The following LUZP2 variants were observed in gnomAD, a reference collection of about 807,000 sequenced individuals.
LUZP2 encodes leucine zipper protein 2.
A neutral mutation model predicts 51.6 loss-of-function variants in LUZP2; 52 were observed. That is an observed-to-expected ratio of 1.01 (90% CI 0.81 to 1.27). The LOEUF is 1.27. LUZP2 is among the 50% of genes most tolerant of loss of function. The pLI, the probability that LUZP2 is intolerant of heterozygous loss-of-function variation, is 0.00. For missense variants in LUZP2, 436 were observed against 395.4 expected (o/e 1.10, Z -0.87); for synonymous variants, 154 against 137.3 (o/e 1.12, Z -0.85).
At chr11:24,922,678 T>C (rs1217958024) in intron 7 of LUZP2, among the ~76,000 whole-genome samples, 1 of 152,104 alleles carries the variant, frequency 6.6e-6, no homozygotes, top group African/African-American at 2.4e-5. Flanking sequence ...TGTAAGCTTG[T>C]CAAATCACAT....
chr11:24,977,028 A>C (rs1399713394), intron 8 of LUZP2, among the ~76,000 whole-genome samples: 11 of 151,916 alleles, frequency 7.2e-5, no homozygotes, highest in Non-Finnish European at 1.3e-4. Flanking sequence ...GGAAGTAATT[A>C]TTGGCATCAA....
chr11:24,536,504 C>T (rs1828295), intron 1 of LUZP2, among the ~76,000 whole-genome samples: 151,215 of 151,924 alleles, frequency 1, 75,255 homozygotes, highest in East Asian at 1. Context: ...TGGAGATGGC[C>T]TCTTTCCTTA....
At chr11:24,810,012 A>G (rs184780369) in intron 5 of LUZP2, among the ~76,000 whole-genome samples, 1 of 152,306 alleles carries the variant, frequency 6.6e-6, no homozygotes, top group Non-Finnish European at 1.5e-5. Context: ...CCACTAAAGG[A>G]CTGAGTAACG....
intron 4 of LUZP2, among the ~76,000 whole-genome samples, chr11:24,747,243 T>A (rs567647904): frequency 1.3e-5 from 2 of 152,314 alleles, no homozygotes; most frequent in South Asian, 4.1e-4. Flanking sequence ...GGGTATTCCC[T>A]TGATGTGGTA....
At chr11:25,031,015 ATT>A (rs34776436) in intron 9 of LUZP2, among the ~76,000 whole-genome samples, 486 of 11,874 alleles carry the variant, frequency 0.041, 61 homozygotes, top group Middle Eastern at 0.17. Context: ...ATATATATAT[ATT>A]TTTTTTTTTT....
At chr11:24,618,405 G>A (rs183903141) in intron 1 of LUZP2, among the ~76,000 whole-genome samples, 56 of 152,220 alleles carry the variant, frequency 3.7e-4, no homozygotes, top group South Asian at 1.2e-3. Context: ...GAGAGTGGAG[G>A]TCAGACTGCC....
intron 1 of LUZP2, among the ~76,000 whole-genome samples, chr11:24,550,822 C>G (rs943768648): frequency 6.6e-6 from 1 of 151,954 alleles, no homozygotes; most frequent in Non-Finnish European, 1.5e-5. Context: ...ACCTGTAATC[C>G]CAGCATTTTG....
Position 25,073,566 on chromosome 11 carries a change from T to G in LUZP2, c.859-3763T>G, listed in dbSNP as rs532238179. ...GCTTATTTCTCTTTTTAATTTTATTTTTTTCTTTCTTTAATTTCCCACCTA... is the reference window on the plus strand; with the variant it reads ...GCTTATTTCTCTTTTTAATTTTATTGTTTTCTTTCTTTAATTTCCCACCTA... On this transcript the variant is annotated intron_variant, in intron 10 of 11. Transcript: ENST00000336930. Among the ~76,000 whole-genome samples the G allele has an allele frequency of 1.3e-3, 192 of 151,626 alleles. 1 individual carries two copies. The highest frequency in any genetic ancestry group is 4.5e-3 in the African/African-American group (186 of 41,388).
intron 1 of LUZP2, among the ~76,000 whole-genome samples, chr11:24,702,634 C>T (rs1857451259): frequency 6.6e-6 from 1 of 152,138 alleles, no homozygotes; most frequent in South Asian, 2.1e-4. Context: ...TGAGGCCTCA[C>T]TTATCACCAA....
intron 5 of LUZP2, among the ~76,000 whole-genome samples, chr11:24,792,274 A>C (rs1300174775): frequency 1.3e-5 from 2 of 151,986 alleles, no homozygotes; most frequent in Non-Finnish European, 2.9e-5. Flanking sequence ...AAAATACAAA[A>C]AAATTAGCTG....
At chr11:24,790,386 C>T (rs189845796) in intron 5 of LUZP2, among the ~76,000 whole-genome samples, 118 of 152,256 alleles carry the variant, frequency 7.8e-4, no homozygotes, top group Non-Finnish European at 1.3e-3. Context: ...AAACAGTTGA[C>T]TATGCTCACA....
chr11:24,637,619 C>T (rs547965687), intron 1 of LUZP2, among the ~76,000 whole-genome samples: 7 of 151,770 alleles, frequency 4.6e-5, no homozygotes, highest in Admixed American at 1.3e-4. Flanking sequence ...GGTCTATGAA[C>T]GGCCGCTCTA....
At chr11:24,786,417 A>G in intron 5 of LUZP2, 2 of 982,556 alleles carry the variant, frequency 2.0e-6, no homozygotes, top group Non-Finnish European at 2.4e-6. Flanking sequence ...CTTAGTATAC[A>G]TATGCAATTT....
At chr11:24,587,757 A>C (rs896804857) in intron 1 of LUZP2, among the ~76,000 whole-genome samples, 1 of 152,152 alleles carries the variant, frequency 6.6e-6, no homozygotes, top group African/African-American at 2.4e-5. Context: ...CTCTGACTTT[A>C]AGAGTTTTTC....
Position 25,050,712 on chromosome 11 carries a change from A to C in LUZP2, c.858+582A>C, listed in dbSNP as rs181355023. ...TTTAGAGAGGTAAGTGGAGGACCAC[A>C]GGCTAAGCAAGGTGCTCATTCCCAC... On this transcript the variant is annotated intron_variant, in intron 10 of 11. Coordinates refer to ENST00000336930, the MANE Select transcript of LUZP2 (RefSeq NM_001009909.4). Among the ~76,000 whole-genome samples, 7 of 152,334 alleles carry C rather than the reference A, an allele frequency of 4.6e-5. No individual in the cohort carries two copies. In the East Asian group the frequency reaches 1.2e-3, roughly 25 times the overall value.
chr11:25,077,506 A>ATTTTT, intron 11 of LUZP2, 100 bp downstream of exon 11: 1 of 438,900 alleles, frequency 2.3e-6, no homozygotes, highest in Non-Finnish European at 3.3e-6. Context: ...TTTTTTATTT[A>ATTTTT]TTTATTTTTT....
intron 7 of LUZP2, among the ~76,000 whole-genome samples, chr11:24,944,552 A>G (rs2133853758): frequency 6.6e-6 from 1 of 152,264 alleles, no homozygotes. Context: ...AAAACCTAAT[A>G]CCACTTTTAG....
At chr11:25,027,988 A>T (rs563164965) in intron 9 of LUZP2, among the ~76,000 whole-genome samples, 20 of 152,226 alleles carry the variant, frequency 1.3e-4, no homozygotes, top group Middle Eastern at 3.4e-3. Flanking sequence ...TTGATATAAT[A>T]TACTTTCCGT....
chr11:24,882,333 C>G (rs1002481404), intron 5 of LUZP2, among the ~76,000 whole-genome samples: 2 of 149,982 alleles, frequency 1.3e-5, no homozygotes, highest in Non-Finnish European at 2.9e-5. Context: ...ACAGAAAAAT[C>G]AAGTACGGAG....
Sources: allele counts gnomAD v4.1 joint callset (sites outside exome capture counted in the v4.1 genomes callset), GRCh38; gene constraint gnomAD v4.1.1; transcripts MANE v1.5; gene names NCBI Gene and HGNC (gene_info 2026-07-23, HGNC 2026-07-21).